NPAS3: variants seen among roughly 807,000 people sequenced by gnomAD.
NPAS3 encodes the protein neuronal PAS domain protein 3.
A neutral mutation model predicts 73.1 loss-of-function variants in NPAS3; 14 were observed. The observed-to-expected ratio is 0.19, with a 90% CI of 0.13 to 0.30. The LOEUF (loss-of-function observed/expected upper bound fraction) is 0.30, where lower values mean the gene tolerates loss of function less well. NPAS3 is among the 10% of genes least tolerant of loss of function. NPAS3 has a pLI of 1.00. For missense variants in NPAS3, 1,096 were observed against 1,250.0 expected (o/e 0.88, Z 1.86); for synonymous variants, 620 against 541.5 (o/e 1.14, Z -2.01).
intron 1 of NPAS3, among the ~76,000 whole-genome samples, chr14:33,054,864 G>A (rs1486973734): frequency 1.3e-5 from 2 of 151,822 alleles, no homozygotes; most frequent in Admixed American, 1.3e-4. Flanking sequence ...CGCCTGCCTC[G>A]GCCTCCCAAA....
intron 6 of NPAS3, among the ~76,000 whole-genome samples, chr14:33,725,799 A>G (rs531606749): frequency 2.0e-5 from 3 of 151,924 alleles, no homozygotes; most frequent in South Asian, 2.1e-4. Flanking sequence ...TTTTCTATCA[A>G]TCCCAGGTGG....
intron 3 of NPAS3, among the ~76,000 whole-genome samples, chr14:33,337,163 G>A (rs1359528980): frequency 1.3e-5 from 2 of 152,078 alleles, no homozygotes; most frequent in Admixed American, 1.3e-4. Context: ...ATAATATGAA[G>A]TCAAAACAAT....
At chr14:33,149,999 A>G (rs1021404470) in intron 2 of NPAS3, among the ~76,000 whole-genome samples, 3 of 152,000 alleles carry the variant, frequency 2.0e-5, no homozygotes, top group Non-Finnish European at 4.4e-5. Context: ...GTGTGTTTTC[A>G]TTGTTCAACT....
At chr14:33,684,979 A>G (rs1218712169) in intron 6 of NPAS3, among the ~76,000 whole-genome samples, 1 of 152,246 alleles carries the variant, frequency 6.6e-6, no homozygotes, top group East Asian at 1.9e-4. Flanking sequence ...CCCATCTTCT[A>G]TTAGTAGAAG....
intron 4 of NPAS3, among the ~76,000 whole-genome samples, chr14:33,556,599 A>C (rs1032964119): frequency 6.6e-6 from 1 of 152,234 alleles, no homozygotes; most frequent in African/African-American, 2.4e-5. Context: ...TCAGTGATTC[A>C]GAAATTCTCT....
Position 33,272,778 on chromosome 14 carries a change from G to A in NPAS3, c.385+57352G>A, listed in dbSNP as rs141764137. On this transcript the variant is annotated intron_variant, in intron 3 of 11. Transcript: ENST00000356141. ...TCACTGGAATTCTGGTAGACAACAC[G>A]TTGCAAGAAGTGAATAGTCTTCCTC... Among the ~76,000 whole-genome samples the A allele has an allele frequency of 4.9e-4, 74 of 152,256 alleles. No individual in the cohort carries two copies. The East Asian group carries it at 0.01, about 21-fold the overall frequency.
At chr14:33,486,282 C>CT in intron 4 of NPAS3, among the ~76,000 whole-genome samples, 1 of 152,180 alleles carries the variant, frequency 6.6e-6, no homozygotes, top group East Asian at 1.9e-4. Context: ...CAAATTTCTG[C>CT]TGTATAAATT....
chr14:33,156,354 A>G lies in NPAS3; in HGVS notation c.141-58828A>G, dbSNP rs1188974926. On this transcript the variant is annotated intron_variant, in intron 2 of 11. Coordinates refer to ENST00000356141, the Ensembl canonical transcript of NPAS3. ...TTAATACCTGCTGGATCAGAATGCCAATCAATTTAGGTTAATTTCATTAAG... is the reference window on the plus strand; with the variant it reads ...TTAATACCTGCTGGATCAGAATGCCGATCAATTTAGGTTAATTTCATTAAG... Among the ~76,000 whole-genome samples the G allele has an allele frequency of 2.6e-5, 4 of 152,166 alleles. No homozygotes were observed. In the East Asian group the frequency reaches 7.7e-4, roughly 29 times the overall value.
intron 2 of NPAS3, among the ~76,000 whole-genome samples, chr14:33,161,252 G>T (rs1270789958): frequency 6.6e-6 from 1 of 152,166 alleles, no homozygotes; most frequent in Non-Finnish European, 1.5e-5. Context: ...GAGATAAGGA[G>T]CATATTTATT....
chr14:33,108,173 T>C (rs945519632), intron 2 of NPAS3, among the ~76,000 whole-genome samples: 19 of 150,152 alleles, frequency 1.3e-4, no homozygotes, highest in African/African-American at 4.2e-4. Context: ...TAATAGCTAT[T>C]AGCCATCTAT....
At chr14:33,143,300 C>T (rs559359467) in intron 2 of NPAS3, among the ~76,000 whole-genome samples, 4 of 151,990 alleles carry the variant, frequency 2.6e-5, no homozygotes, top group East Asian at 1.9e-4. Context: ...GAGACCAGCC[C>T]GACCAATGTG....
chr14:32,965,344 T>G (rs1449701694), intron 1 of NPAS3, among the ~76,000 whole-genome samples: 1 of 152,132 alleles, frequency 6.6e-6, no homozygotes, highest in Non-Finnish European at 1.5e-5. Flanking sequence ...ACAGCACATC[T>G]AAAAGTTCAT....
chr14:33,472,030 C>T (rs1188242557), intron 4 of NPAS3, among the ~76,000 whole-genome samples: 1 of 152,212 alleles, frequency 6.6e-6, no homozygotes. Context: ...CTGTCTCCCT[C>T]TCTGCCCTCA....
At chr14:33,227,831 C>T (rs2047692137) in intron 3 of NPAS3, among the ~76,000 whole-genome samples, 1 of 152,166 alleles carries the variant, frequency 6.6e-6, no homozygotes, top group African/African-American at 2.4e-5. Flanking sequence ...GAGAATCCAG[C>T]AAAATGTAGG....
intron 7 of NPAS3, among the ~76,000 whole-genome samples, chr14:33,741,525 C>T (rs2061655712): frequency 6.6e-6 from 1 of 152,136 alleles, no homozygotes; most frequent in African/African-American, 2.4e-5. Context: ...TCGTTTTAGT[C>T]TCTGCTGACC....
intron 4 of NPAS3, among the ~76,000 whole-genome samples, chr14:33,508,355 C>G (rs1462881097): frequency 6.6e-6 from 1 of 152,026 alleles, no homozygotes; most frequent in Non-Finnish European, 1.5e-5. Context: ...CCTGGATTTT[C>G]CTCAGCACTA....
intron 1 of NPAS3, among the ~76,000 whole-genome samples, chr14:33,029,395 A>G (rs966822959): frequency 6.6e-6 from 1 of 152,144 alleles, no homozygotes; most frequent in Non-Finnish European, 1.5e-5. Context: ...AGTGAAGGGG[A>G]TCATCTAATA....
chr14:33,797,514 G>A (rs143931195), exon 11 of NPAS3: 230 of 1,614,138 alleles, frequency 1.4e-4, no homozygotes, highest in Admixed American at 3.8e-4. Context: ...ATCTGCCGGA[G>A]AAAACTTCCG....
intron 3 of NPAS3, among the ~76,000 whole-genome samples, chr14:33,321,622 G>A (rs936019493): frequency 5.3e-5 from 8 of 151,964 alleles, no homozygotes; most frequent in Non-Finnish European, 8.8e-5. Context: ...TTGAACAGAT[G>A]ACTTGGTAGG....
Sources: gnomAD v4.1 joint callset for allele counts (sites outside exome capture counted in the v4.1 genomes callset) on GRCh38, gnomAD v4.1.1 for gene constraint, MANE v1.5 for transcripts, NCBI Gene and HGNC (gene_info 2026-07-23, HGNC 2026-07-21) for gene names.